The following TMEM232 variants were observed in gnomAD, a reference collection of about 807,000 sequenced individuals.
TMEM232 encodes the protein transmembrane protein 232.
TMEM232 carries 80 observed loss-of-function variants against 78.8 expected under a neutral mutation model. The ratio of observed to expected loss-of-function variants is 1.01; its 90% CI spans 0.85 to 1.22. The LOEUF (loss-of-function observed/expected upper bound fraction) is 1.22. Among genes scored for constraint, TMEM232 ranks in the 50% most tolerant of loss-of-function variants. The pLI is 0.00. For synonymous variants in TMEM232, 297 were observed against 254.3 expected (o/e 1.17, Z -1.60); for missense variants, 881 against 742.2 (o/e 1.19, Z -2.17).
intron 1 of TMEM232, among the ~76,000 whole-genome samples, chr5:110,736,796 G>T (rs244927): frequency 1.3e-5 from 2 of 151,608 alleles, no homozygotes; most frequent in Non-Finnish European, 2.9e-5. Context: ...ACAAGGCTTT[G>T]CAAGATCTGG....
At chr5:110,478,323 C>A (rs1490163929) in intron 12 of TMEM232, among the ~76,000 whole-genome samples, 1 of 151,898 alleles carries the variant, frequency 6.6e-6, no homozygotes, top group Non-Finnish European at 1.5e-5. Flanking sequence ...TCTTACTCTA[C>A]TTTAAAATAG....
chr5:110,575,660 A>G lies in TMEM232; in HGVS notation c.1277-7035T>C, dbSNP rs530727338. Among the ~76,000 whole-genome samples, 3 of 152,140 alleles carry G rather than the reference A, an allele frequency of 2.0e-5. No individual in the cohort carries two copies. In the East Asian group the frequency reaches 5.8e-4, roughly 30 times the overall value. The stretch of plus-strand genomic sequence containing the variant: ...CAAAAAACAACTCAACCCATGGAGA[A>G]TGGAGAAAAGCAAGGCAGAATGGTG... On this transcript the variant is annotated intron_variant, in intron 10 of 13. Transcript: ENST00000455884.
intron 12 of TMEM232, among the ~76,000 whole-genome samples, chr5:110,499,365 C>A (rs1765967082): frequency 1.3e-5 from 2 of 152,140 alleles, no homozygotes; most frequent in Non-Finnish European, 2.9e-5. Context: ...GATCCTCACA[C>A]CTGAACCTCA....
upstream of TMEM232, among the ~76,000 whole-genome samples, chr5:110,730,179 G>T (rs775880244): frequency 6.6e-6 from 1 of 152,076 alleles, no homozygotes; most frequent in Non-Finnish European, 1.5e-5. Flanking sequence ...TGGAATCAAG[G>T]CTATTAGCAT....
chr5:110,562,955 A>G (rs1775920400), intron 11 of TMEM232, among the ~76,000 whole-genome samples: 1 of 152,042 alleles, frequency 6.6e-6, no homozygotes, highest in Non-Finnish European at 1.5e-5. Flanking sequence ...ACTTTTAAAT[A>G]AAATAGATAT....
intron 2 of TMEM232, among the ~76,000 whole-genome samples, chr5:110,645,799 T>C (rs1787402745): frequency 6.6e-6 from 1 of 151,604 alleles, no homozygotes; most frequent in Admixed American, 6.6e-5. Context: ...GCAAATGACA[T>C]ATATGTAGAC....
intron 2 of TMEM232, among the ~76,000 whole-genome samples, chr5:110,406,231 T>G (rs1755783559): frequency 6.7e-6 from 1 of 149,188 alleles, no homozygotes; most frequent in Non-Finnish European, 1.5e-5. Flanking sequence ...TCTTATATAA[T>G]TCAACTTTCA....
At chr5:110,688,498 G>A (rs557324245) in intron 1 of TMEM232, among the ~76,000 whole-genome samples, 23 of 152,232 alleles carry the variant, frequency 1.5e-4, no homozygotes, top group African/African-American at 5.3e-4. Flanking sequence ...GAAGGTGACA[G>A]CACCTCAAAA....
intron 12 of TMEM232, among the ~76,000 whole-genome samples, chr5:110,465,686 T>G (rs1292810252): frequency 6.6e-6 from 1 of 152,180 alleles, no homozygotes; most frequent in African/African-American, 2.4e-5. Context: ...TCCAATGATA[T>G]ATCCTCAAAT....
chr5:110,446,510 G>C (rs996720209), intron 12 of TMEM232, among the ~76,000 whole-genome samples: 5 of 152,028 alleles, frequency 3.3e-5, no homozygotes, highest in African/African-American at 1.2e-4. Flanking sequence ...ATACAGATTT[G>C]GGGTTGGGGA....
chr5:110,678,223 C>G (rs1425999677), intron 1 of TMEM232, among the ~76,000 whole-genome samples: 1 of 152,100 alleles, frequency 6.6e-6, no homozygotes, highest in South Asian at 2.1e-4. Context: ...CACCACCAAG[C>G]CTGGCTAATT....
At chr5:110,401,759 A>G (rs1259342402) in intron 2 of TMEM232, among the ~76,000 whole-genome samples, 1 of 152,104 alleles carries the variant, frequency 6.6e-6, no homozygotes, top group East Asian at 1.9e-4. Flanking sequence ...AACTGCCAAT[A>G]TGTAATAAAT....
intron 2 of TMEM232, among the ~76,000 whole-genome samples, chr5:110,411,767 T>C (rs1417225643): frequency 6.6e-6 from 1 of 152,190 alleles, no homozygotes; most frequent in Non-Finnish European, 1.5e-5. Context: ...TGTATCAGAA[T>C]GTCTTTTTAA....
chr5:110,563,680 G>C (rs891042928), intron 11 of TMEM232, among the ~76,000 whole-genome samples: 5 of 151,786 alleles, frequency 3.3e-5, no homozygotes, highest in Admixed American at 6.6e-5. Context: ...GACTAAAGAG[G>C]ATTTATTTCC....
intron 1 of TMEM232, among the ~76,000 whole-genome samples, chr5:110,705,150 A>T (rs1015209641): frequency 2.0e-5 from 3 of 152,102 alleles, no homozygotes; most frequent in African/African-American, 7.2e-5. Flanking sequence ...TGGGTTGTCA[A>T]CCTGTACCCA....
intron 2 of TMEM232, among the ~76,000 whole-genome samples, chr5:110,664,072 C>T (rs768896413): frequency 1.3e-5 from 2 of 151,820 alleles, no homozygotes; most frequent in East Asian, 1.9e-4. Context: ...CCCAGGAATT[C>T]GAGGCTGCAG....
intron 12 of TMEM232, among the ~76,000 whole-genome samples, chr5:110,518,263 T>G (rs1036027027): frequency 2.0e-5 from 3 of 152,112 alleles, no homozygotes; most frequent in African/African-American, 7.2e-5. Context: ...TTTGTTAACA[T>G]TGATTTTTTT....
chr5:110,529,715 A>G (rs1172928955), intron 11 of TMEM232, among the ~76,000 whole-genome samples: 3 of 152,310 alleles, frequency 2.0e-5, no homozygotes, highest in South Asian at 4.1e-4. Flanking sequence ...AGCAATATTT[A>G]TTCAGGAAAA....
intron 11 of TMEM232, among the ~76,000 whole-genome samples, chr5:110,566,773 C>T (rs1246328627): frequency 6.6e-6 from 1 of 151,896 alleles, no homozygotes; most frequent in Non-Finnish European, 1.5e-5. Flanking sequence ...TACTCAGTTC[C>T]AAAGTTGTAT....
Sources: allele counts gnomAD v4.1 joint callset (sites outside exome capture counted in the v4.1 genomes callset), GRCh38; gene constraint gnomAD v4.1.1; transcripts MANE v1.5; gene names NCBI Gene and HGNC (gene_info 2026-07-23, HGNC 2026-07-21).